THSD4: variants seen among roughly 807,000 people sequenced by gnomAD.
The protein encoded by THSD4 is thrombospondin type 1 domain containing 4, also known as thrombospondin type-1 domain-containing protein 4.
Under a neutral mutation model 119.0 loss-of-function variants are expected in THSD4, and 69 were observed. The observed-to-expected ratio is 0.58, with a 90% CI of 0.48 to 0.71. The LOEUF (loss-of-function observed/expected upper bound fraction) is 0.71. THSD4 is among the 30% of genes least tolerant of loss of function. The probability of loss-of-function intolerance (pLI) is 0.00; values close to 1 mark genes in which losing one functional copy is unlikely to be tolerated. For synonymous variants in THSD4, 524 were observed against 540.4 expected, an observed-to-expected ratio of 0.97 and a Z score of 0.42; for missense variants, 1,393 against 1,391.1, an observed-to-expected ratio of 1.00 and a Z score of -0.02.
At chr15:71,215,541 C>T in intron 4 of THSD4, 142 bp downstream of exon 4, 2 of 847,488 alleles carry the variant, frequency 2.4e-6, no homozygotes, top group Non-Finnish European at 3.3e-6. Flanking sequence ...GAGCTCTGGG[C>T]TCCACGAAGC....
At chr15:71,133,689 A>C (rs766646928) in intron 1 of THSD4, among the ~76,000 whole-genome samples, 2 of 152,224 alleles carry the variant, frequency 1.3e-5, no homozygotes, top group African/African-American at 2.4e-5. Flanking sequence ...CTGCAGTATC[A>C]TGTCATCTGA....
At chr15:71,409,379 G>A (rs2046652617) in intron 6 of THSD4, among the ~76,000 whole-genome samples, 1 of 152,156 alleles carries the variant, frequency 6.6e-6, no homozygotes, top group African/African-American at 2.4e-5. Context: ...GTGAGGAGCT[G>A]GGGAGAGAGG....
intron 6 of THSD4, among the ~76,000 whole-genome samples, chr15:71,296,696 A>G (rs1162115926): frequency 4.6e-5 from 7 of 152,214 alleles, no homozygotes; most frequent in Non-Finnish European, 8.8e-5. Context: ...TTTATGTGTT[A>G]TCACATTGTA....
intron 6 of THSD4, among the ~76,000 whole-genome samples, chr15:71,393,083 G>A (rs940328863): frequency 6.6e-6 from 1 of 152,176 alleles, no homozygotes; most frequent in Non-Finnish European, 1.5e-5. Context: ...TTGTGATTGG[G>A]ATGGATTGAC....
upstream of THSD4, chr15:71,113,806 C>T (rs2040325858): frequency 6.6e-6 from 1 of 152,182 alleles, no homozygotes; most frequent in Non-Finnish European, 1.5e-5. Flanking sequence ...TTGAACAAAT[C>T]TTATTAGTTT....
intron 6 of THSD4, among the ~76,000 whole-genome samples, chr15:71,344,521 T>C (rs192187785): frequency 1.6e-3 from 243 of 152,256 alleles, no homozygotes; most frequent in African/African-American, 5.7e-3. Flanking sequence ...TCAGGGAGCA[T>C]ACATGCAGGG....
intron 7 of THSD4, among the ~76,000 whole-genome samples, chr15:71,651,900 A>G (rs1462672331): frequency 1.3e-5 from 2 of 152,178 alleles, no homozygotes; most frequent in South Asian, 2.1e-4. Context: ...AAATGCAAAC[A>G]GGCACATTTG....
intron 3 of THSD4, among the ~76,000 whole-genome samples, chr15:71,161,724 G>A (rs981687386): frequency 1.3e-5 from 2 of 151,620 alleles, no homozygotes; most frequent in Non-Finnish European, 2.9e-5. Flanking sequence ...TTAAATTAGA[G>A]CATTTAATCC....
intron 7 of THSD4, among the ~76,000 whole-genome samples, chr15:71,607,242 A>AG (rs1300908132): frequency 6.6e-6 from 1 of 152,178 alleles, no homozygotes; most frequent in Non-Finnish European, 1.5e-5. Flanking sequence ...GGTTGGGGAA[A>AG]GACAGCTTGG....
chr15:71,117,871 T>C (rs2040376074), intron 1 of THSD4, among the ~76,000 whole-genome samples: 1 of 152,172 alleles, frequency 6.6e-6, no homozygotes, highest in Non-Finnish European at 1.5e-5. Context: ...GTGCTGGAGC[T>C]TACGCTATGA....
At chr15:71,378,325 T>A (rs2031795627) in intron 6 of THSD4, among the ~76,000 whole-genome samples, 1 of 152,158 alleles carries the variant, frequency 6.6e-6, no homozygotes, top group South Asian at 2.1e-4. Context: ...ATGATGAAAG[T>A]GGCCTGGAGA....
intron 6 of THSD4, among the ~76,000 whole-genome samples, chr15:71,389,156 A>G (rs1217690516): frequency 6.6e-6 from 1 of 152,104 alleles, no homozygotes; most frequent in Non-Finnish European, 1.5e-5. Flanking sequence ...AAATGGATTA[A>G]TCCACCATCT....
intron 8 of THSD4, among the ~76,000 whole-genome samples, chr15:71,687,769 A>AAC (rs1555441478): frequency 0.01 from 586 of 56,134 alleles, 12 homozygotes; most frequent in East Asian, 0.059. Context: ...AAAAAAAAAA[A>AAC]AAACAAACCA....
intron 8 of THSD4, among the ~76,000 whole-genome samples, chr15:71,689,671 C>T (rs935821557): frequency 4.6e-5 from 7 of 152,212 alleles, no homozygotes; most frequent in East Asian, 1.9e-4. Flanking sequence ...GGCAAGACTG[C>T]GTGCATCACC....
At chr15:71,326,700 A>AAAATATATATATATATATAT (rs1555464320) in intron 6 of THSD4, among the ~76,000 whole-genome samples, 1 of 6,454 alleles carries the variant, frequency 1.5e-4, no homozygotes, top group African/African-American at 3.4e-4. Context: ...AAAAAAAAAA[A>AAAATATATATATATATATAT]ATATATATAT....
chr15:71,312,011 CA>C, intron 6 of THSD4, among the ~76,000 whole-genome samples: 1 of 152,296 alleles, frequency 6.6e-6, no homozygotes, highest in Non-Finnish European at 1.5e-5. Context: ...TCTTTTGTGA[CA>C]CTGTCCTACT....
intron 6 of THSD4, among the ~76,000 whole-genome samples, chr15:71,291,184 T>A (rs1462256544): frequency 6.6e-6 from 1 of 152,214 alleles, no homozygotes; most frequent in Non-Finnish European, 1.5e-5. Flanking sequence ...ATAGTTATTG[T>A]TTACATTATG....
At chr15:71,595,953 G>C (rs79431318) in intron 7 of THSD4, among the ~76,000 whole-genome samples, 3 of 152,078 alleles carry the variant, frequency 2.0e-5, no homozygotes, top group Admixed American at 2.0e-4. Context: ...ACAGTTTTTC[G>C]CTGGTGACCG....
At chr15:71,764,182 G>A (rs942164932) in intron 15 of THSD4, among the ~76,000 whole-genome samples, 3 of 152,174 alleles carry the variant, frequency 2.0e-5, no homozygotes, top group African/African-American at 7.2e-5. Flanking sequence ...GGAGGTTGAG[G>A]CCGCAGTGAG....
Sources: gnomAD v4.1 joint callset for allele counts (sites outside exome capture counted in the v4.1 genomes callset) on GRCh38, gnomAD v4.1.1 for gene constraint, MANE v1.5 for transcripts, NCBI Gene and HGNC (gene_info 2026-07-23, HGNC 2026-07-21) for gene names.